Variants in RHOBTB2 observed in about 807,000 individuals in gnomAD.
The protein encoded by RHOBTB2 is rho-related BTB domain-containing protein 2.
In RHOBTB2, 39 loss-of-function variants were observed where a neutral mutation model predicts 66.5. That is an observed-to-expected ratio of 0.59 (90% CI 0.45 to 0.77). RHOBTB2 has a LOEUF of 0.77. Among genes scored for constraint, RHOBTB2 ranks in the 30% least tolerant of loss-of-function variants. The pLI is 0.00. For missense variants in RHOBTB2, 755 were observed against 999.1 expected (o/e 0.76, Z 3.29); for synonymous variants, 390 against 395.0 (o/e 0.99, Z 0.15).
At position 23,017,145 on chromosome 8, in the gene RHOBTB2, TG is replaced by T; in HGVS notation, c.1967-104del. 7.0e-7 allele frequency: 1 copy of T among 1,423,484 alleles called. No homozygotes were observed. 88.2% of individuals were successfully genotyped at this position (1,423,484 alleles called of 1,614,324 possible). On this transcript the variant is annotated intron_variant, in intron 9 of 9. Transcript: ENST00000251822. This position sits in a 1 kb window ranked among gnomAD's most constrained non-coding sequence, Gnocchi z 5.3. Reference sequence around the variant, plus strand: ...TGGGTCATGGGGATGTGCTGGGGGCTGGGCTGGAGGCCTGCTGCAGGCCTTG... The same window carrying T: ...TGGGTCATGGGGATGTGCTGGGGGCTGGCTGGAGGCCTGCTGCAGGCCTTG...
chr8:22,995,576 A>G (rs1810528422), upstream of RHOBTB2, among the ~76,000 whole-genome samples: 1 of 152,212 alleles, frequency 6.6e-6, no homozygotes, highest in African/African-American at 2.4e-5. Flanking sequence ...TGCTTGTGCA[A>G]AGTCCCAGAA....
chr8:22,963,761 TTTTA>T, the RHOBTB2 span, among the ~76,000 whole-genome samples: 2 of 151,742 alleles, frequency 1.3e-5, no homozygotes, highest in Non-Finnish European at 2.9e-5. Context: ...GACACTCTTA[TTTTA>T]TTTATTTATT....
chr8:22,959,650 G>C, the RHOBTB2 span, among the ~76,000 whole-genome samples: 1 of 152,094 alleles, frequency 6.6e-6, no homozygotes, highest in Non-Finnish European at 1.5e-5. Flanking sequence ...CCTGTTATCA[G>C]CTCCTAGTTA....
chr8:23,007,319 TC>T lies in RHOBTB2; in HGVS notation c.1076del (p.Pro359LeufsTer36). On this transcript the variant is annotated frameshift_variant, in exon 5 of 10. Coordinates refer to ENST00000251822, the MANE Select transcript of RHOBTB2 (RefSeq NM_015178.3). LOFTEE classifies it high-confidence loss of function. ...ESVDEAGGSG[P>X]AGLRASTSDG... is the part of the protein sequence containing the mutation. Reference sequence around the variant, plus strand: ...GCGTGGATGAGGCTGGGGGCTCCGGTCCTGCTGGCCTCCGTGCTTCCACCAG... The same window carrying T: ...GCGTGGATGAGGCTGGGGGCTCCGGTCTGCTGGCCTCCGTGCTTCCACCAG... 6.2e-7 allele frequency: 1 copy of T among 1,613,684 alleles called. No individual in the cohort carries two copies. Among genetic ancestry groups the T allele is most frequent in the Admixed American group, 1.7e-5 (1 of 60,002 alleles).
At chr8:22,982,158 A>G in the RHOBTB2 span, among the ~76,000 whole-genome samples, 1 of 152,328 alleles carries the variant, frequency 6.6e-6, no homozygotes, top group Admixed American at 6.5e-5. Context: ...CTCAGAGGCC[A>G]CTGGTTCAGT....
chr8:23,005,392 C>T lies in RHOBTB2; in HGVS notation c.213C>T (p.Asp71=), dbSNP rs760989514. ...CCCAGGTGCTGGAACGCTCCCGAGA[C>T]GTGGTAGATGATGTCAGCGTCTCTC... The part of the protein sequence containing the change: ...VCQEVLERSR[D]VVDDVSVSLR... The change falls in exon 3 of 10, where the codon GAC becomes GAT. Residue 71 remains aspartate (D), a synonymous_variant. Coordinates refer to ENST00000251822, the MANE Select transcript of RHOBTB2 (RefSeq NM_015178.3). 23 of 1,613,668 alleles carry T rather than the reference C, an allele frequency of 1.4e-5. No homozygotes were observed. The highest frequency in any genetic ancestry group is 1.7e-5 in the Non-Finnish European group (20 of 1,179,762).
chr8:23,000,181 C>T, intron 1 of RHOBTB2, 76 bp downstream of exon 1: 1 of 943,810 alleles, frequency 1.1e-6, no homozygotes, highest in African/African-American at 1.8e-5. Flanking sequence ...CCCTCCCTGC[C>T]CTGCCGCGCC....
rs771655446 is a variant in RHOBTB2, at chr8:23,015,697, C to T, written c.1920C>T (p.Asn640=). ...TCCACCACATCTGCACCAACTACAA[C>T]AACGTGTGCCGCAAGTTCCCCCGAG... ...WCLHHICTNY[N]NVCRKFPRDM... is the part of the protein sequence containing the mutation. The change falls in exon 9 of 10, where the codon AAC becomes AAT. Residue 640 remains asparagine (N), a synonymous_variant. Coordinates refer to ENST00000251822, the MANE Select transcript of RHOBTB2 (RefSeq NM_015178.3). 38 of 1,613,990 alleles carry T rather than the reference C, an allele frequency of 2.4e-5. No homozygotes were observed. Among genetic ancestry groups the T allele is most frequent in the Admixed American group, 1.7e-5 (1 of 60,008 alleles).
chr8:22,987,958 A>C (rs1228370608), intron 1 of RHOBTB2, among the ~76,000 whole-genome samples: 1 of 151,946 alleles, frequency 6.6e-6, no homozygotes, highest in Non-Finnish European at 1.5e-5. Context: ...GAAGGCCCCC[A>C]AGATCAAGTA....
intron 8 of RHOBTB2, 36 bp from the exon 9 acceptor site, chr8:23,015,602 G>A: frequency 6.8e-7 from 1 of 1,474,074 alleles, no homozygotes. Context: ...CTCCCCTGGG[G>A]ATTTCAGTAC....
At chr8:23,014,864 T>C in intron 8 of RHOBTB2, 86 bp downstream of exon 8, 1 of 1,093,400 alleles carries the variant, frequency 9.1e-7, no homozygotes, top group Non-Finnish European at 1.4e-6. Context: ...GGGTGGAAGA[T>C]GGTCTATGCG....
At chr8:22,965,502 A>C in the RHOBTB2 span, among the ~76,000 whole-genome samples, 3 of 152,232 alleles carry the variant, frequency 2.0e-5, no homozygotes, top group Non-Finnish European at 4.4e-5. Flanking sequence ...CAATAAAGTT[A>C]GAAGACTCAT....
At chr8:22,981,935 C>T in the RHOBTB2 span, among the ~76,000 whole-genome samples, 1 of 152,186 alleles carries the variant, frequency 6.6e-6, no homozygotes, top group Admixed American at 6.5e-5. Context: ...GTGCAACTGG[C>T]CACTTTGCCC....
the RHOBTB2 span, among the ~76,000 whole-genome samples, chr8:22,979,742 C>CTTTTTTTTTTTTTTTTTTTTTTTTCT: frequency 1.2e-5 from 1 of 84,094 alleles, no homozygotes; most frequent in African/African-American, 4.6e-5. Context: ...TCTTTTCTTT[C>CTTTTTTTTTTTTTTTTTTTTTTTTCT]TTTTTTTTTT....
chr8:22,961,075 G>C, the RHOBTB2 span, among the ~76,000 whole-genome samples: 1 of 152,090 alleles, frequency 6.6e-6, no homozygotes, highest in African/African-American at 2.4e-5. Context: ...TTTTAAATTA[G>C]TTTTTTGTAG....
chr8:23,005,499 GCAGAGAACCAA>G, intron 3 of RHOBTB2, 24 bp downstream of exon 3: 2 of 1,489,892 alleles, frequency 1.3e-6, no homozygotes, highest in Non-Finnish European at 1.9e-6. Flanking sequence ...CTAGCCGCCT[GCAGAGAACCAA>G]CAGGGTGGGT....
the RHOBTB2 span, among the ~76,000 whole-genome samples, chr8:22,973,038 A>T: frequency 6.6e-6 from 1 of 151,946 alleles, no homozygotes; most frequent in African/African-American, 2.4e-5. Flanking sequence ...CCTTCCCCTG[A>T]CCTGGCTGGT....
chr8:23,007,727 G>T lies in RHOBTB2; in HGVS notation c.1482G>T (p.Leu494Phe). The change falls in exon 5 of 10, where the codon TTG (leucine) becomes TTT (phenylalanine). Residue 494 changes from leucine (L) to phenylalanine (F), a missense_variant. This residue lies in a region of RHOBTB2 where 353 missense variants were observed against 458.2 expected (regional missense o/e 0.77). Transcript: ENST00000251822. ...GGACCAACCGGGTTAAGGAGTGCTT[G>T]GCAAAAGGCACCTTCTCAGGTATGG... ...VRRTNRVKEC[L>F]AKGTFSDVTF... is the part of the protein sequence containing the mutation. The T allele has an allele frequency of 6.2e-7, 1 of 1,613,728 alleles. No homozygotes were observed.
At chr8:23,012,661 C>G (rs976487078) in intron 7 of RHOBTB2, among the ~76,000 whole-genome samples, 1 of 152,172 alleles carries the variant, frequency 6.6e-6, no homozygotes, top group African/African-American at 2.4e-5. Context: ...CTCTGTCACG[C>G]AGACTGGAGT....
Sources: allele counts gnomAD v4.1 joint callset (sites outside exome capture counted in the v4.1 genomes callset), GRCh38; gene constraint gnomAD v4.1.1; regional missense constraint gnomAD v4.1.1; non-coding constraint Gnocchi (gnomAD v3.1); transcripts MANE v1.5; gene names NCBI Gene and HGNC (gene_info 2026-07-23, HGNC 2026-07-21).